Variants in ANK2 observed in about 807,000 individuals in gnomAD.
The protein encoded by ANK2 is ankyrin-2.
A neutral mutation model predicts 360.5 loss-of-function variants in ANK2; 83 were observed. The observed-to-expected ratio is 0.23, with a 90% CI of 0.19 to 0.28. The LOEUF (loss-of-function observed/expected upper bound fraction) is 0.28. ANK2 is among the 10% of genes least tolerant of loss of function. The probability of loss-of-function intolerance (pLI) is 1.00; values close to 1 mark genes in which losing one functional copy is unlikely to be tolerated. For synonymous variants in ANK2, 1,740 were observed against 1,759.5 expected, an observed-to-expected ratio of 0.99 and a Z score of 0.28; for missense variants, 4,201 against 4,795.7, an observed-to-expected ratio of 0.88 and a Z score of 3.66.
At chr4:112,713,353 G>A in the ANK2 span, among the ~76,000 whole-genome samples, 32 of 152,236 alleles carry the variant, frequency 2.1e-4, no homozygotes, top group Middle Eastern at 0.01. Context: ...GCAGATCACC[G>A]GAGGTCGGGC....
At chr4:112,811,666 T>C in the ANK2 span, among the ~76,000 whole-genome samples, 3 of 152,190 alleles carry the variant, frequency 2.0e-5, no homozygotes, top group Non-Finnish European at 4.4e-5. Context: ...TTGCTGACTG[T>C]TGTCTGAACC....
At chr4:113,293,141 A>C (rs998918101) in intron 21 of ANK2, 11 of 472,682 alleles carry the variant, frequency 2.3e-5, no homozygotes, top group African/African-American at 2.0e-4. Context: ...GCACTTTCTT[A>C]AGTGCAATAC....
intron 2 of ANK2, among the ~76,000 whole-genome samples, chr4:112,998,565 A>G (rs976635275): frequency 2.0e-5 from 3 of 152,208 alleles, no homozygotes; most frequent in African/African-American, 7.2e-5. Flanking sequence ...TATTTGAAAC[A>G]TACTCATTGA....
chr4:112,957,666 GGACGGGGCGGC>G (rs2030483898), intron 2 of ANK2, among the ~76,000 whole-genome samples: 168 of 150,184 alleles, frequency 1.1e-3, no homozygotes, highest in African/African-American at 4.0e-3. Context: ...CCTCCCTCCC[GGACGGGGCGGC>G]TGGCTGGGCG....
At chr4:113,307,828 A>G (rs2078010351) in intron 23 of ANK2, among the ~76,000 whole-genome samples, 1 of 152,238 alleles carries the variant, frequency 6.6e-6, no homozygotes, top group African/African-American at 2.4e-5. Flanking sequence ...GTACATAAAA[A>G]GCCTGCAGTA....
At chr4:113,263,759 G>T (rs929077469) in intron 13 of ANK2, among the ~76,000 whole-genome samples, 5 of 152,104 alleles carry the variant, frequency 3.3e-5, no homozygotes, top group Admixed American at 2.6e-4. Context: ...AACAGTTGTG[G>T]TAAATCAATC....
chr4:113,373,670 G>A (rs767261665), intron 45 of ANK2: 1 of 739,762 alleles, frequency 1.4e-6, no homozygotes, highest in Non-Finnish European at 2.5e-6. Context: ...TTTTTGTTTG[G>A]TCTTTTTAAA....
Position 113,354,206 on chromosome 4 carries a change from C to T in ANK2, c.5588C>T (p.Thr1863Met), listed in dbSNP as rs536962908. ...KHSPVSPSAK[T>M]ERHSPASSSS... ...TCACCTGTGTCACCCTCTGCAAAAA[C>T]GGAAAGACATTCACCTGCGTCATCA... The change falls in exon 38 of 46, where the codon ACG becomes ATG. Residue 1863 changes from threonine (T) to methionine (M), a missense_variant. Thr to Met is a moderately conservative substitution (Grantham distance 81, BLOSUM62 -1). Transcript: ENST00000357077. The T allele has an allele frequency of 2.2e-5, 35 of 1,614,006 alleles. No individual in the cohort carries two copies. The highest frequency in any genetic ancestry group is 4.5e-5 in the East Asian group (2 of 44,878).
At chr4:112,776,117 G>A in the ANK2 span, among the ~76,000 whole-genome samples, 1 of 152,154 alleles carries the variant, frequency 6.6e-6, no homozygotes, top group Non-Finnish European at 1.5e-5. Flanking sequence ...TAAGAAGGAA[G>A]TGAAGGAAGA....
intron 45 of ANK2, among the ~76,000 whole-genome samples, chr4:113,379,727 G>A (rs1167332546): frequency 6.6e-6 from 1 of 152,044 alleles, no homozygotes; most frequent in Non-Finnish European, 1.5e-5. Flanking sequence ...AATTCATATA[G>A]TATTAAAGGA....
At chr4:112,997,813 C>T (rs550330520) in intron 2 of ANK2, among the ~76,000 whole-genome samples, 72 of 151,386 alleles carry the variant, frequency 4.8e-4, no homozygotes, top group Non-Finnish European at 7.8e-4. Context: ...CACACACACA[C>T]ATATATGCAC....
At chr4:113,360,800 A>G (rs1458180506) in intron 38 of ANK2, 23 bp from the exon 39 acceptor site, 1 of 1,608,968 alleles carries the variant, frequency 6.2e-7, no homozygotes, top group East Asian at 2.2e-5. Context: ...ACCTTTGGCC[A>G]TTCTGTTTTT....
chr4:112,941,672 T>A (rs1375580058), intron 2 of ANK2, among the ~76,000 whole-genome samples: 1 of 145,978 alleles, frequency 6.9e-6, no homozygotes, highest in East Asian at 1.9e-4. Flanking sequence ...TAAATATATA[T>A]AAAAGGATAT....
intron 2 of ANK2, among the ~76,000 whole-genome samples, chr4:113,177,206 G>A (rs986114376): frequency 1.3e-5 from 2 of 151,930 alleles, no homozygotes; most frequent in Admixed American, 6.6e-5. Context: ...TCAGCCTCCC[G>A]AGTAGCTGGG....
At position 113,355,702 on chromosome 4, in the gene ANK2, A is replaced by G. The variant is rs760096507; in HGVS notation, c.7084A>G (p.Lys2362Glu). ...GQRTFGSSAH[K>E]TQTDSEVQES... ...ACGTACCTTTGGTAGTTCAGCCCAC[A>G]AGACACAAACTGATAGTGAGGTTCA... Residue 2362 changes from lysine to glutamate, a missense_variant, in exon 38 of 46, where the codon AAG (lysine) becomes GAG (glutamate). This residue lies in a region of ANK2 where 2,642 missense variants were observed against 2,714.5 expected (regional missense o/e 0.97). Coordinates refer to ENST00000357077, the MANE Select transcript of ANK2 (RefSeq NM_001148.6). 1.2e-5 allele frequency: 19 copies of G among 1,614,032 alleles called. No individual in the cohort carries two copies. Among genetic ancestry groups the G allele is most frequent in the Admixed American group, 1.7e-5 (1 of 60,000 alleles).
chr4:113,303,557 C>T (rs988302783), intron 23 of ANK2, among the ~76,000 whole-genome samples: 4 of 152,060 alleles, frequency 2.6e-5, no homozygotes, highest in East Asian at 3.8e-4. Context: ...GGAGGGTGTC[C>T]GGCTCCCTAT....
intron 37 of ANK2, chr4:113,350,597 AC>A (rs2095349227): frequency 4.0e-6 from 1 of 253,100 alleles, no homozygotes; most frequent in South Asian, 5.2e-5. Flanking sequence ...TTTTTTAAGC[AC>A]TGACATGACA....
At chr4:113,103,154 T>C (rs944117548) in intron 1 of ANK2, among the ~76,000 whole-genome samples, 6 of 152,168 alleles carry the variant, frequency 3.9e-5, no homozygotes, top group African/African-American at 1.4e-4. Context: ...ACTCCTGAAG[T>C]GATTAAACTA....
In ANK2 at chr4:113,353,112, A is replaced by G. The variant is rs777887620; in HGVS notation, c.4494A>G (p.Leu1498=). ...ACCTGGTTAATGAAGTTCCTGTCCT[A>G]GCAAGTCCGGACTTGCTCTCTGAAG... The part of the protein sequence containing the change: ...KSHLVNEVPV[L]ASPDLLSEVS... The change falls in exon 38 of 46, where the codon CTA becomes CTG. Residue 1498 remains leucine (L), a synonymous_variant. Transcript: ENST00000357077. 6.2e-7 allele frequency: 1 copy of G among 1,614,058 alleles called. No individual in the cohort carries two copies. Among genetic ancestry groups the G allele is most frequent in the South Asian group, 1.1e-5 (1 of 91,088 alleles).
Sources: allele counts gnomAD v4.1 joint callset (sites outside exome capture counted in the v4.1 genomes callset), GRCh38; gene constraint gnomAD v4.1.1; regional missense constraint gnomAD v4.1.1; transcripts MANE v1.5; gene names NCBI Gene and HGNC (gene_info 2026-07-23, HGNC 2026-07-21).